STXBP5L: variants seen among roughly 807,000 people sequenced by gnomAD.
STXBP5L encodes the protein syntaxin-binding protein 5-like.
In STXBP5L, 65 loss-of-function variants were observed where a neutral mutation model predicts 144.5. The ratio of observed to expected loss-of-function variants is 0.45; its 90% CI spans 0.37 to 0.55. The LOEUF (loss-of-function observed/expected upper bound fraction) is 0.55. STXBP5L is among the 20% of genes least tolerant of loss of function. The pLI is 0.00. For missense variants in STXBP5L, 1,298 were observed against 1,405.5 expected, an observed-to-expected ratio of 0.92 and a Z score of 1.22; for synonymous variants, 505 against 469.6, an observed-to-expected ratio of 1.08 and a Z score of -0.97.
chr3:121,134,204 G>T (rs2045134165), intron 7 of STXBP5L, among the ~76,000 whole-genome samples: 1 of 152,154 alleles, frequency 6.6e-6, no homozygotes, highest in African/African-American at 2.4e-5. Context: ...CCGAGGTGGT[G>T]CAGGGCATCA....
intron 5 of STXBP5L, among the ~76,000 whole-genome samples, chr3:121,048,154 T>A (rs895110172): frequency 6.6e-6 from 1 of 152,174 alleles, no homozygotes; most frequent in Admixed American, 6.5e-5. Context: ...TTGTTTTATT[T>A]AGTAAGGCTG....
At chr3:121,289,789 A>G (rs1350277463) in intron 19 of STXBP5L, among the ~76,000 whole-genome samples, 2 of 152,226 alleles carry the variant, frequency 1.3e-5, no homozygotes, top group Non-Finnish European at 2.9e-5. Flanking sequence ...TAGAAATTAA[A>G]TAATCTGCCC....
chr3:121,379,214 T>A (rs1240782371), intron 21 of STXBP5L, among the ~76,000 whole-genome samples: 2 of 152,208 alleles, frequency 1.3e-5, no homozygotes, highest in Non-Finnish European at 2.9e-5. Context: ...CTTTTTGGTG[T>A]CTCTATCTGT....
rs531887655 is a variant in STXBP5L, at chr3:121,299,467, A to G, written c.2111-19008A>G. 2.0e-5 allele frequency among the ~76,000 whole-genome samples: 3 copies of G among 152,300 alleles called. No individual in the cohort carries two copies. The South Asian group carries it at 6.2e-4, about 32-fold the overall frequency. On this transcript the variant is annotated intron_variant, in intron 19 of 26. Transcript: ENST00000471454. ...GAATAAAAAGGCATTCCTTTCAAAAACAAAAGTTCACATGATTGCTTTAAC... is the reference window on the plus strand; with the variant it reads ...GAATAAAAAGGCATTCCTTTCAAAAGCAAAAGTTCACATGATTGCTTTAAC...
chr3:121,129,463 C>T (rs934342780), intron 7 of STXBP5L, among the ~76,000 whole-genome samples: 1 of 151,184 alleles, frequency 6.6e-6, no homozygotes, highest in Non-Finnish European at 1.5e-5. Flanking sequence ...GGTAATAGTA[C>T]ATCGCTATAA....
chr3:121,014,283 C>G (rs1461239712), intron 3 of STXBP5L, among the ~76,000 whole-genome samples: 1 of 151,942 alleles, frequency 6.6e-6, no homozygotes, highest in Non-Finnish European at 1.5e-5. Context: ...GAATGCTTTT[C>G]TATTTGTTTG....
intron 19 of STXBP5L, among the ~76,000 whole-genome samples, chr3:121,296,261 G>T (rs1021323267): frequency 1.3e-5 from 2 of 152,132 alleles, no homozygotes; most frequent in African/African-American, 4.8e-5. Flanking sequence ...ATTAGCAAAA[G>T]CATGATGTTT....
chr3:121,105,712 C>G (rs2043671472), intron 5 of STXBP5L, among the ~76,000 whole-genome samples: 1 of 151,914 alleles, frequency 6.6e-6, no homozygotes, highest in Admixed American at 6.6e-5. Context: ...TGAAAAGGTA[C>G]AAACTAAGTA....
At chr3:121,105,386 C>T (rs2043647236) in intron 5 of STXBP5L, among the ~76,000 whole-genome samples, 1 of 128,072 alleles carries the variant, frequency 7.8e-6, no homozygotes, top group South Asian at 2.4e-4. Flanking sequence ...CAGAGTGAGA[C>T]TCTGTCTCAA....
At chr3:121,097,077 G>A (rs1313909557) in intron 5 of STXBP5L, among the ~76,000 whole-genome samples, 1 of 152,206 alleles carries the variant, frequency 6.6e-6, no homozygotes, top group Non-Finnish European at 1.5e-5. Flanking sequence ...GGCCACAGCA[G>A]CCTTGCTCAG....
chr3:121,321,583 T>C (rs924981515), intron 20 of STXBP5L, among the ~76,000 whole-genome samples: 1 of 152,196 alleles, frequency 6.6e-6, no homozygotes, highest in Non-Finnish European at 1.5e-5. Flanking sequence ...GGGCCTGAGA[T>C]TTTGTATTTC....
chr3:121,210,118 T>G (rs1453879094), intron 10 of STXBP5L, among the ~76,000 whole-genome samples: 1 of 152,098 alleles, frequency 6.6e-6, no homozygotes, highest in East Asian at 1.9e-4. Context: ...TTTTTAATGA[T>G]CGCCATTCTA....
chr3:121,060,773 G>A (rs998497097), intron 5 of STXBP5L, among the ~76,000 whole-genome samples: 34 of 152,062 alleles, frequency 2.2e-4, no homozygotes, highest in African/African-American at 7.7e-4. Context: ...GGTGTTTATA[G>A]TATTCTCTGA....
intron 11 of STXBP5L, among the ~76,000 whole-genome samples, chr3:121,228,221 C>A (rs2049184535): frequency 6.6e-6 from 1 of 152,112 alleles, no homozygotes; most frequent in Non-Finnish European, 1.5e-5. Flanking sequence ...CTGAAGTAGT[C>A]AAAACCCAAC....
At chr3:121,315,036 G>A (rs1220358701) in intron 19 of STXBP5L, among the ~76,000 whole-genome samples, 1 of 152,134 alleles carries the variant, frequency 6.6e-6, no homozygotes, top group African/African-American at 2.4e-5. Flanking sequence ...CACTGTTGGT[G>A]GGACTGTAAA....
intron 20 of STXBP5L, among the ~76,000 whole-genome samples, chr3:121,333,568 A>T (rs917495887): frequency 2.0e-5 from 3 of 151,200 alleles, no homozygotes; most frequent in Non-Finnish European, 4.4e-5. Context: ...AAAAAAAAAC[A>T]TTCAAAAGAT....
chr3:121,380,800 A>T (rs77542218), intron 21 of STXBP5L, among the ~76,000 whole-genome samples: 1,560 of 152,188 alleles, frequency 0.01, 13 homozygotes, highest in Non-Finnish European at 0.018. Context: ...ATTACCCCAG[A>T]TATAGAATAT....
rs544199713 is a variant in STXBP5L, at chr3:120,950,171, G to A, written c.190-4769G>A. 5.3e-5 allele frequency among the ~76,000 whole-genome samples: 8 copies of A among 151,916 alleles called. No homozygotes were observed. The South Asian group carries it at 8.3e-4, about 16-fold the overall frequency. ...CTTTGACTTTTATATTTAAACGTAC[G>A]ATCCATTTTGAGTTAATTTTTGTGT... On this transcript the variant is annotated intron_variant, in intron 2 of 26. Transcript: ENST00000471454.
At chr3:121,192,979 A>T (rs369220517) in intron 9 of STXBP5L, among the ~76,000 whole-genome samples, 2 of 149,138 alleles carry the variant, frequency 1.3e-5, no homozygotes, top group Admixed American at 1.3e-4. Context: ...AATGGGATCT[A>T]ATTAAACTAA....
Sources: allele counts gnomAD v4.1 joint callset (sites outside exome capture counted in the v4.1 genomes callset), GRCh38; gene constraint gnomAD v4.1.1; transcripts MANE v1.5; gene names NCBI Gene and HGNC (gene_info 2026-07-23, HGNC 2026-07-21).